Variants in COX6B1 observed in about 807,000 individuals in gnomAD.
COX6B1 encodes COX VIb-1.
In COX6B1, 2 loss-of-function variants were observed where a neutral mutation model predicts 14.0. That is an observed-to-expected ratio of 0.14 (90% CI 0.06 to 0.45). The LOEUF (loss-of-function observed/expected upper bound fraction) is 0.45. Among genes scored for constraint, COX6B1 ranks in the 20% least tolerant of loss-of-function variants. The probability of loss-of-function intolerance (pLI) is 0.98; values close to 1 mark genes in which losing one functional copy is unlikely to be tolerated. For synonymous variants in COX6B1, 30 were observed against 39.7 expected (o/e 0.76, Z 0.92); for missense variants, 81 against 114.2 (o/e 0.71, Z 1.33).
At chr19:35,656,437 C>T (rs959500953) in intron 3 of COX6B1, among the ~76,000 whole-genome samples, 1 of 149,382 alleles carries the variant, frequency 6.7e-6, no homozygotes. Flanking sequence ...AAAGTAGGCA[C>T]ATACCGCTGG....
At chr19:35,650,242 G>A (rs1967809827) in intron 1 of COX6B1, among the ~76,000 whole-genome samples, 1 of 152,116 alleles carries the variant, frequency 6.6e-6, no homozygotes, top group African/African-American at 2.4e-5. Flanking sequence ...GACCTCAGGT[G>A]ATCCACCCCC....
chr19:35,651,053 G>A (rs534387682), intron 1 of COX6B1, among the ~76,000 whole-genome samples, 180 bp from the exon 2 acceptor site: 5 of 152,206 alleles, frequency 3.3e-5, no homozygotes, highest in East Asian at 1.9e-4. Context: ...ACCCTGCCGC[G>A]ACCTCGACAC....
In COX6B1 at chr19:35,653,088, C is replaced by T. The variant is rs7256069; in HGVS notation, c.107-1483C>T. ...GCTTCAAGCACTTCTCTGCCTCAGC[C>T]TGCCGAGTAGCTGGGATTACAGTCG... is the stretch of plus-strand genomic sequence containing the variant. On this transcript the variant is annotated intron_variant, in intron 2 of 3. Transcript: ENST00000649813. Among the ~76,000 whole-genome samples, 685 of 151,618 alleles carry T rather than the reference C, an allele frequency of 4.5e-3. 3 individuals are homozygous for T. The highest frequency in any genetic ancestry group is 0.016 in the African/African-American group (663 of 41,342).
intron 2 of COX6B1, among the ~76,000 whole-genome samples, chr19:35,654,162 A>G (rs1599622311): frequency 6.6e-6 from 1 of 152,310 alleles, no homozygotes; most frequent in African/African-American, 2.4e-5. Context: ...AATTTATTCT[A>G]TGCCTGTACA....
intron 3 of COX6B1, among the ~76,000 whole-genome samples, chr19:35,657,316 G>A (rs76244844): frequency 1.4e-4 from 21 of 151,960 alleles, no homozygotes; most frequent in South Asian, 1.2e-3. Flanking sequence ...AATAGGGTTC[G>A]CACTCCTAAG....
intron 2 of COX6B1, among the ~76,000 whole-genome samples, chr19:35,651,731 T>C (rs1967826638): frequency 6.6e-6 from 1 of 151,846 alleles, no homozygotes; most frequent in African/African-American, 2.4e-5. Context: ...ACTACTGTAC[T>C]TGGCTAATTT....
intron 3 of COX6B1, among the ~76,000 whole-genome samples, chr19:35,657,676 GAC>G (rs1404171905): frequency 1.9e-5 from 2 of 106,912 alleles, no homozygotes; most frequent in African/African-American, 3.8e-5. Flanking sequence ...TTTTTTTAGA[GAC>G]AGTCTTGCTC....
At chr19:35,657,936 C>T (rs866496118) in intron 3 of COX6B1, among the ~76,000 whole-genome samples, 10 of 152,014 alleles carry the variant, frequency 6.6e-5, no homozygotes, top group Admixed American at 5.9e-4. Context: ...GAATTATAGG[C>T]GTGAGCCACC....
In COX6B1 at chr19:35,649,010, C is replaced by G. The variant is rs191831748; in HGVS notation, c.-12+607C>G. The G allele has an allele frequency of 1.6e-3, 776 of 495,900 alleles. 4 individuals are homozygous for G. Among genetic ancestry groups the G allele is most frequent in the Non-Finnish European group, 2.8e-3 (664 of 241,014 alleles). The allele number at this position is 495,900 out of a possible 1,614,324, so 30.7% of individuals were successfully genotyped here. ...TAGTGCTCCAGACCCCCACCACCAC[C>G]TTGCGTCGCTTGAATTTGACACTGC... On this transcript the variant is annotated intron_variant, in intron 1 of 3. Coordinates refer to ENST00000649813, the MANE Select transcript of COX6B1 (RefSeq NM_001863.5).
In COX6B1 at chr19:35,651,367, C is replaced by T. The variant is rs746983622; in HGVS notation, c.106+18C>T. ...CTACCTGGGTAAGCAGGACCTTTCC[C>T]TGGCCACATACCTCGAGTCACTCAC... On this transcript the variant is annotated intron_variant, in intron 2 of 3. Transcript: ENST00000649813. The T allele has an allele frequency of 3.1e-6, 5 of 1,587,584 alleles. No individual in the cohort carries two copies. Among genetic ancestry groups the T allele is most frequent in the East Asian group, 2.2e-5 (1 of 44,654 alleles).
intron 3 of COX6B1, among the ~76,000 whole-genome samples, chr19:35,658,062 G>A (rs1246578173): frequency 5.9e-5 from 9 of 152,150 alleles, no homozygotes; most frequent in Admixed American, 5.9e-4. Flanking sequence ...AAAGTGCTGG[G>A]ATGACAGGTG....
intron 3 of COX6B1, 58 bp from the exon 4 acceptor site, chr19:35,658,536 A>G: frequency 2.0e-6 from 3 of 1,487,566 alleles, no homozygotes; most frequent in Non-Finnish European, 2.8e-6. Context: ...TGAGGAAGAT[A>G]AGAAGTCCAT....
chr19:35,650,938 G>A (rs529062005), intron 1 of COX6B1, among the ~76,000 whole-genome samples: 40 of 152,274 alleles, frequency 2.6e-4, no homozygotes, highest in Middle Eastern at 3.4e-3. Context: ...GTGGCTATAG[G>A]AGTAAAGTGT....
rs996933617 is a variant in COX6B1 at position 35,653,352 on chromosome 19, A to C, written c.107-1219A>C. 2.6e-4 allele frequency among the ~76,000 whole-genome samples: 39 copies of C among 149,662 alleles called. 1 individual carries two copies. Among genetic ancestry groups the C allele is most frequent in the Non-Finnish European group, 4.7e-4 (32 of 67,654 alleles). Reference sequence around the variant, plus strand: ...CAGTGGTACAACCTTGGCTCACTGCAACCTCCGCCTCCCGGGTTTAAGCAA... The same window carrying C: ...CAGTGGTACAACCTTGGCTCACTGCCACCTCCGCCTCCCGGGTTTAAGCAA... On this transcript the variant is annotated intron_variant, in intron 2 of 3. Transcript: ENST00000649813.
intron 3 of COX6B1, among the ~76,000 whole-genome samples, chr19:35,657,220 G>T (rs1357382885): frequency 6.6e-6 from 1 of 151,606 alleles, no homozygotes; most frequent in Non-Finnish European, 1.5e-5. Context: ...GTCCCATCTG[G>T]GGGTGATGGG....
chr19:35,654,460 A>G (rs1037731645), intron 2 of COX6B1, 111 bp from the exon 3 acceptor site: 2 of 867,642 alleles, frequency 2.3e-6, no homozygotes, highest in African/African-American at 1.7e-5. Context: ...GTGAGCTGAG[A>G]TCGCACCACT....
intron 2 of COX6B1, among the ~76,000 whole-genome samples, chr19:35,652,136 TCTC>T (rs1362001942): frequency 7.9e-5 from 12 of 151,224 alleles, no homozygotes; most frequent in East Asian, 2.0e-4. Flanking sequence ...TTCAAGCAAT[TCTC>T]CTGCCTCAGT....
intron 3 of COX6B1, among the ~76,000 whole-genome samples, chr19:35,656,367 A>G (rs1276229035): frequency 2.0e-5 from 3 of 152,112 alleles, no homozygotes; most frequent in African/African-American, 4.8e-5. Flanking sequence ...AGAACAATCT[A>G]TATAGTAGGA....
At chr19:35,651,094 C>T in intron 1 of COX6B1, 139 bp from the exon 2 acceptor site, 1 of 690,050 alleles carries the variant, frequency 1.4e-6, no homozygotes, top group Non-Finnish European at 2.7e-6. Context: ...TGCCCCTCAT[C>T]TCTGTGTATG....
Sources: gnomAD v4.1 joint callset for allele counts (sites outside exome capture counted in the v4.1 genomes callset) on GRCh38, gnomAD v4.1.1 for gene constraint, MANE v1.5 for transcripts, NCBI Gene and HGNC (gene_info 2026-07-23, HGNC 2026-07-21) for gene names.